Variants in FBXL13 observed in about 807,000 individuals in gnomAD.
The protein encoded by FBXL13 is F-box and leucine-rich repeat protein 13.
A neutral mutation model predicts 83.6 loss-of-function variants in FBXL13; 67 were observed. That is an observed-to-expected ratio of 0.80 (90% CI 0.66 to 0.98). The LOEUF is 0.98. Ranked by LOEUF, FBXL13 falls within the 50% of genes least tolerant of loss-of-function variation. The probability of loss-of-function intolerance (pLI) is 0.00; values close to 1 mark genes in which losing one functional copy is unlikely to be tolerated. For synonymous variants in FBXL13, 272 were observed against 299.5 expected (o/e 0.91, Z 0.95); for missense variants, 822 against 866.5 (o/e 0.95, Z 0.64).
chr7:102,959,175 C>T (rs1345765684), intron 8 of FBXL13, among the ~76,000 whole-genome samples: 1 of 152,038 alleles, frequency 6.6e-6, no homozygotes, highest in African/African-American at 2.4e-5. Context: ...AATACATGGT[C>T]AGATACAATA....
At chr7:102,908,936 C>A (rs973993765) in intron 11 of FBXL13, among the ~76,000 whole-genome samples, 2 of 152,242 alleles carry the variant, frequency 1.3e-5, no homozygotes, top group African/African-American at 4.8e-5. Flanking sequence ...TGGGGCTCTA[C>A]AATCAGCAGG....
chr7:102,854,584 TTTG>T (rs1467964690), intron 17 of FBXL13, among the ~76,000 whole-genome samples, 190 bp downstream of exon 18: 1 of 152,214 alleles, frequency 6.6e-6, no homozygotes, highest in Non-Finnish European at 1.5e-5. Flanking sequence ...TATCATTAAT[TTTG>T]TTGTTTTTAA....
At chr7:103,066,508 C>T (rs1003782346) in intron 1 of FBXL13, among the ~76,000 whole-genome samples, 1 of 152,026 alleles carries the variant, frequency 6.6e-6, no homozygotes, top group Admixed American at 6.6e-5. Context: ...TCTCCTGCCT[C>T]AGCCTCCTGA....
At position 102,931,933 on chromosome 7, in the gene FBXL13, C is replaced by T. The variant is rs376548338; in HGVS notation, c.725G>A (p.Ser242Asn). 79 of 1,613,158 alleles carry T rather than the reference C, an allele frequency of 4.9e-5. 1 individual carries two copies. The highest frequency in any genetic ancestry group is 1.2e-4 in the Admixed American group (7 of 59,964). The change falls in exon 9 of 20, where the codon AGC (serine) becomes AAC (asparagine). Residue 242 changes from serine (S) to asparagine (N), a missense_variant and splice_region_variant. Ser to Asn is a conservative substitution (Grantham distance 46, BLOSUM62 1). Transcript: ENST00000313221. Reference sequence around the variant, plus strand: ...CAACTCTTGCAAGTTCCTACAGTGGCCTAAATCAAATAAGTTACACGTCAC... The same window carrying T: ...CAACTCTTGCAAGTTCCTACAGTGGTCTAAATCAAATAAGTTACACGTCAC...
At chr7:103,067,607 A>G (rs1798523087) in intron 1 of FBXL13, among the ~76,000 whole-genome samples, 2 of 152,238 alleles carry the variant, frequency 1.3e-5, no homozygotes, top group Admixed American at 6.5e-5. Context: ...GATGTTACAC[A>G]TAGATGTTCT....
chr7:103,031,078 A>G (rs1301042358), intron 2 of FBXL13: 1 of 152,128 alleles, frequency 6.6e-6, no homozygotes, highest in African/African-American at 2.4e-5. Context: ...AGTTTAAGAG[A>G]GCATCTCCAA....
At chr7:102,813,682 G>C (rs1348713778) in intron 19 of FBXL13, 151 bp from the exon 21 acceptor site, 30 of 748,540 alleles carry the variant, frequency 4.0e-5, no homozygotes, top group Middle Eastern at 3.8e-4. Flanking sequence ...GAGGATATGG[G>C]TAAGTGTACA....
chr7:102,878,581 CA>C (rs756525104), intron 14 of FBXL13, 131 bp from the exon 16 acceptor site: 50 of 507,398 alleles, frequency 9.9e-5, no homozygotes, highest in Non-Finnish European at 1.3e-4. Flanking sequence ...GGTATTTTGT[CA>C]ATATTTTAAA....
intron 8 of FBXL13, among the ~76,000 whole-genome samples, chr7:102,946,314 G>C (rs889327723): frequency 5.9e-5 from 9 of 152,252 alleles, no homozygotes; most frequent in Non-Finnish European, 5.9e-5. Context: ...AAGGTAGAGG[G>C]TTTAGGTAAC....
chr7:102,949,359 A>G (rs1410838293), intron 8 of FBXL13, among the ~76,000 whole-genome samples: 1 of 152,094 alleles, frequency 6.6e-6, no homozygotes, highest in Non-Finnish European at 1.5e-5. Flanking sequence ...TGTACAGATA[A>G]TTTAGTCACC....
intron 8 of FBXL13, chr7:102,933,996 G>A: frequency 6.2e-7 from 1 of 1,614,174 alleles, no homozygotes; most frequent in South Asian, 1.1e-5. Context: ...AGTGTGAGAA[G>A]CCGAGTGAAT....
chr7:103,039,341 T>A (rs928352898), intron 2 of FBXL13, among the ~76,000 whole-genome samples: 1 of 152,172 alleles, frequency 6.6e-6, no homozygotes, highest in Non-Finnish European at 1.5e-5. Context: ...CAAATAAATA[T>A]ACATTTGATT....
intron 11 of FBXL13, among the ~76,000 whole-genome samples, chr7:102,912,806 G>T (rs994300420): frequency 2.0e-5 from 3 of 151,382 alleles, no homozygotes; most frequent in Admixed American, 1.3e-4. Context: ...CTTGGACTCT[G>T]CTTTAGACTT....
At chr7:102,937,593 T>C (rs1363757703) in intron 8 of FBXL13, among the ~76,000 whole-genome samples, 7 of 152,080 alleles carry the variant, frequency 4.6e-5, no homozygotes, top group Non-Finnish European at 7.4e-5. Context: ...ATAAATCTAG[T>C]GATTCATTTC....
chr7:102,981,717 C>T (rs111980940), intron 6 of FBXL13, among the ~76,000 whole-genome samples: 1 of 152,134 alleles, frequency 6.6e-6, no homozygotes, highest in Non-Finnish European at 1.5e-5. Flanking sequence ...GCAGTAGGAC[C>T]AAGGAGAATC....
chr7:102,887,629 C>T (rs1810971174), intron 11 of FBXL13, among the ~76,000 whole-genome samples: 1 of 152,184 alleles, frequency 6.6e-6, no homozygotes, highest in Non-Finnish European at 1.5e-5. Flanking sequence ...TTCAGGAAAC[C>T]TCAGTCTTGG....
chr7:102,828,834 G>A (rs75923608), intron 18 of FBXL13, among the ~76,000 whole-genome samples: 4,440 of 152,250 alleles, frequency 0.029, 186 homozygotes, highest in East Asian at 0.16. Context: ...TGGGGCCTTA[G>A]GGGAGAGCAG....
chr7:102,880,215 T>C (rs897870418), intron 14 of FBXL13, among the ~76,000 whole-genome samples: 22 of 152,252 alleles, frequency 1.4e-4, no homozygotes, highest in African/African-American at 4.3e-4. Flanking sequence ...TTTTAAAGGA[T>C]TGATGTGTGT....
At chr7:102,912,674 C>CT (rs1407647095) in intron 11 of FBXL13, among the ~76,000 whole-genome samples, 3 of 104,844 alleles carry the variant, frequency 2.9e-5, no homozygotes, top group Non-Finnish European at 5.4e-5. Context: ...GCATTTTACC[C>CT]CCCCCCCCCC....
Sources: allele counts gnomAD v4.1 joint callset (sites outside exome capture counted in the v4.1 genomes callset), GRCh38; gene constraint gnomAD v4.1.1; transcripts MANE v1.5; gene names NCBI Gene and HGNC (gene_info 2026-07-23, HGNC 2026-07-21).